The following ANK3 variants were observed in gnomAD, a reference collection of about 807,000 sequenced individuals.
ANK3 encodes the protein ankyrin 3.
ANK3 carries 57 observed loss-of-function variants against 370.9 expected under a neutral mutation model. The observed-to-expected ratio is 0.15, with a 90% CI of 0.12 to 0.19. The LOEUF is 0.19. Among genes scored for constraint, ANK3 ranks in the 10% least tolerant of loss-of-function variants. ANK3 has a pLI of 1.00. For missense variants in ANK3, 4,439 were observed against 5,302.1 expected (o/e 0.84, Z 5.06); for synonymous variants, 1,929 against 1,946.3 (o/e 0.99, Z 0.23).
intron 1 of ANK3, among the ~76,000 whole-genome samples, chr10:60,727,501 A>G (rs760359854): frequency 2.0e-5 from 3 of 152,162 alleles, no homozygotes; most frequent in Non-Finnish European, 4.4e-5. Context: ...GGGTTTGATA[A>G]CTGTCAAAAT....
chr10:60,183,858 CA>C (rs35653342), intron 17 of ANK3, among the ~76,000 whole-genome samples: 33,860 of 110,154 alleles, frequency 0.31, 4,445 homozygotes, highest in East Asian at 0.48. Context: ...AATTCTGTCT[CA>C]AAAAAAAAAA....
intron 1 of ANK3, among the ~76,000 whole-genome samples, chr10:60,636,615 C>T (rs7069191): frequency 0.18 from 27,012 of 152,134 alleles, 2,497 homozygotes; most frequent in Middle Eastern, 0.27. Flanking sequence ...ATTCTGTGTT[C>T]AGCTCAAGAA....
intron 2 of ANK3, among the ~76,000 whole-genome samples, chr10:60,602,190 A>C (rs1226542794): frequency 6.6e-6 from 1 of 152,156 alleles, no homozygotes; most frequent in African/African-American, 2.4e-5. Context: ...ATTTATGCAG[A>C]AGACTTTCAG....
chr10:60,667,471 TTGAG>T (rs1170271707), intron 1 of ANK3, among the ~76,000 whole-genome samples: 2 of 152,146 alleles, frequency 1.3e-5, no homozygotes, highest in South Asian at 2.1e-4. Flanking sequence ...TTACCACTGT[TTGAG>T]TATCAAAGAA....
At chr10:60,382,101 G>C (rs2061625403) in intron 1 of ANK3, among the ~76,000 whole-genome samples, 2 of 152,080 alleles carry the variant, frequency 1.3e-5, no homozygotes, top group South Asian at 4.1e-4. Context: ...TCCAAGACAA[G>C]GTATTTCTGA....
intron 1 of ANK3, among the ~76,000 whole-genome samples, chr10:60,631,532 AAAAAT>A (rs1241019957): frequency 3.9e-5 from 6 of 152,142 alleles, no homozygotes; most frequent in Non-Finnish European, 5.9e-5. Context: ...CTCCATCTCA[AAAAAT>A]AAAATAAAAT....
intron 2 of ANK3, among the ~76,000 whole-genome samples, chr10:60,588,165 T>TATC (rs1485062049): frequency 7.7e-5 from 4 of 51,934 alleles, no homozygotes; most frequent in Non-Finnish European, 1.8e-4. Flanking sequence ...CAGTTTTTAT[T>TATC]ATTATTATTA....
intron 8 of ANK3, among the ~76,000 whole-genome samples, chr10:60,227,015 T>A (rs1254055386): frequency 6.6e-6 from 1 of 151,788 alleles, no homozygotes; most frequent in Non-Finnish European, 1.5e-5. Context: ...TTTATGTAGA[T>A]CCAGTTTTCT....
chr10:60,440,134 A>G (rs1345093919), intron 2 of ANK3, among the ~76,000 whole-genome samples: 1 of 152,116 alleles, frequency 6.6e-6, no homozygotes, highest in African/African-American at 2.4e-5. Flanking sequence ...GTAAGAGTAG[A>G]AGGAGGATAA....
Position 60,114,214 on chromosome 10 carries a change from A to T in ANK3, c.2948+11T>A, listed in dbSNP as rs2092925319. 6.5e-7 allele frequency: 1 copy of T among 1,534,050 alleles called. No homozygotes were observed. The highest frequency in any genetic ancestry group is 1.8e-5 in the Admixed American group (1 of 55,326). On this transcript the variant is annotated intron_variant, in intron 26 of 43. Transcript: ENST00000280772. ...AGTAGGATAATGAAAAGTGACATTT[A>T]GGTTACTTACCCAGAATGAATGGGG...
At chr10:60,554,141 C>T (rs1393244502) in intron 2 of ANK3, among the ~76,000 whole-genome samples, 3 of 152,090 alleles carry the variant, frequency 2.0e-5, no homozygotes, top group South Asian at 4.1e-4. Flanking sequence ...TCCCCTTTTT[C>T]GGATACACCA....
At chr10:60,079,225 A>ACACCCC (rs376356885) in intron 36 of ANK3, among the ~76,000 whole-genome samples, 2 of 142,758 alleles carry the variant, frequency 1.4e-5, no homozygotes, top group African/African-American at 2.7e-5. Flanking sequence ...ACACACACAC[A>ACACCCC]CCCCTCTTCT....
At chr10:60,136,580 T>A (rs1311240569) in intron 24 of ANK3, among the ~76,000 whole-genome samples, 2 of 152,202 alleles carry the variant, frequency 1.3e-5, no homozygotes, top group Non-Finnish European at 2.9e-5. Context: ...ATTTCATTTT[T>A]AAATGTATCT....
intron 1 of ANK3, among the ~76,000 whole-genome samples, chr10:60,669,737 GAACCTTGAAATGTTA>G (rs575359638): frequency 6.6e-6 from 1 of 152,140 alleles, no homozygotes; most frequent in African/African-American, 2.4e-5. Context: ...CCTCTCTATC[GAACCTTGAAATGTTA>G]AATATTTCTT....
intron 7 of ANK3, among the ~76,000 whole-genome samples, chr10:60,241,471 C>T (rs374653436): frequency 6.6e-6 from 1 of 152,098 alleles, no homozygotes; most frequent in Non-Finnish European, 1.5e-5. Flanking sequence ...TTCATTCAGT[C>T]TAATCACCTA....
chr10:60,107,827 C>A (rs931820173), intron 27 of ANK3, among the ~76,000 whole-genome samples: 1 of 152,056 alleles, frequency 6.6e-6, no homozygotes, highest in African/African-American at 2.4e-5. Context: ...TGACTCAAAG[C>A]CTGCAAATAC....
chr10:60,454,768 T>C (rs1183353657), intron 2 of ANK3, among the ~76,000 whole-genome samples: 6 of 152,196 alleles, frequency 3.9e-5, no homozygotes, highest in Non-Finnish European at 8.8e-5. Flanking sequence ...ATAAGCTTTC[T>C]GGGCTTGAAG....
At position 60,042,774 on chromosome 10, in the gene ANK3, T is replaced by C. The variant is rs1052917912; in HGVS notation, c.13066-15A>G. On this transcript the variant is annotated splice_polypyrimidine_tract_variant and intron_variant, in intron 42 of 43. Coordinates refer to ENST00000280772, the MANE Select transcript of ANK3 (RefSeq NM_020987.5). ...CCTTCTCCCTGCTTTGAAAGGAGTG[T>C]ACATATTAAGATTTCACAGTGAAAC... The C allele has an allele frequency of 6.2e-7, 1 of 1,613,408 alleles. No homozygotes were observed.
chr10:60,521,150 A>G (rs1309863892), intron 2 of ANK3, among the ~76,000 whole-genome samples: 3 of 152,098 alleles, frequency 2.0e-5, no homozygotes, highest in Non-Finnish European at 2.9e-5. Flanking sequence ...TTTACTGTGT[A>G]TCAGCTTTAA....
Sources: gnomAD v4.1 joint callset for allele counts (sites outside exome capture counted in the v4.1 genomes callset) on GRCh38, gnomAD v4.1.1 for gene constraint, MANE v1.5 for transcripts, NCBI Gene and HGNC (gene_info 2026-07-23, HGNC 2026-07-21) for gene names.